Variants in ZRSR2 observed in about 807,000 individuals in gnomAD.
ZRSR2 encodes U2 small nuclear ribonucleoprotein auxiliary factor 35 kDa subunit-related protein 2.
In ZRSR2, 3 loss-of-function variants were observed where a neutral mutation model predicts 39.4. The ratio of observed to expected loss-of-function variants is 0.08; its 90% confidence interval spans 0.03 to 0.20. The LOEUF is 0.20. ZRSR2 is among the 10% of genes least tolerant of loss of function. The pLI is 1.00. For missense variants in ZRSR2, 256 were observed against 391.5 expected, an observed-to-expected ratio of 0.65 and a Z score of 2.92; for synonymous variants, 137 against 136.0, an observed-to-expected ratio of 1.01 and a Z score of -0.05.
At chrX:15,807,859 G>C (rs767494062) in intron 5 of ZRSR2, among the ~76,000 whole-genome samples, 2 of 108,302 alleles carry the variant, frequency 1.8e-5, no homozygotes, top group African/African-American at 6.7e-5. Flanking sequence ...GGGCAACATG[G>C]TGAAACTCCG....
chrX:15,822,373 T>C (rs1276570593), intron 10 of ZRSR2, among the ~76,000 whole-genome samples: 1 of 111,098 alleles, frequency 9.0e-6, no homozygotes, highest in Non-Finnish European at 1.9e-5. Flanking sequence ...AAGAGCTGGC[T>C]ATTTGATGTT....
intron 2 of ZRSR2, among the ~76,000 whole-genome samples, chrX:15,793,373 C>T (rs972239154): frequency 9.9e-5 from 11 of 110,974 alleles, no homozygotes; most frequent in Middle Eastern, 9.3e-3. Flanking sequence ...GTAGTTTAGC[C>T]CATTTTAATG....
At chrX:15,790,744 G>A in intron 1 of ZRSR2, 190 bp from the exon 2 acceptor site, 1 of 624,081 alleles carries the variant, frequency 1.6e-6, no homozygotes, top group Non-Finnish European at 2.5e-6. Context: ...GTTGGCGGAT[G>A]GAGAAGAACT....
intron 7 of ZRSR2, among the ~76,000 whole-genome samples, chrX:15,810,547 CCTTCTT>C (rs1178053192): frequency 3.6e-5 from 4 of 109,780 alleles, no homozygotes; most frequent in Non-Finnish European, 3.8e-5. Context: ...AGGTTTTTTT[CCTTCTT>C]CTTCTTCTTT....
At chrX:15,804,517 C>T (rs917522648) in intron 5 of ZRSR2, among the ~76,000 whole-genome samples, 1 of 111,394 alleles carries the variant, frequency 9.0e-6, no homozygotes, top group Non-Finnish European at 1.9e-5. Context: ...CCAACTCTGC[C>T]AGTGTACCCT....
rs2147282619 is a variant in ZRSR2 at position 15,804,115 on chromosome X, A to G, written c.317A>G (p.Lys106Arg). 1 of 1,185,339 alleles carries G rather than the reference A, an allele frequency of 8.4e-7. No homozygotes were observed. The highest frequency in any genetic ancestry group is 3.0e-5 in the East Asian group (1 of 33,477). ...ACTTTTTCTTCCCCTTTAAAGAGAA[A>G]GTTAAAGGAACAATGGGAAGAACAG... ...AKKRQEEQER[K>R]LKEQWEEQQR... The change falls in exon 5 of 11, where the codon AAG (lysine) becomes AGG (arginine). Residue 106 changes from lysine (K) to arginine (R), a missense_variant. This residue lies in a region of ZRSR2 where 87 missense variants were observed against 111.7 expected (regional missense o/e 0.78). Transcript: ENST00000307771.
intron 10 of ZRSR2, among the ~76,000 whole-genome samples, chrX:15,820,664 T>C (rs371972958): frequency 8.9e-6 from 1 of 112,312 alleles, no homozygotes; most frequent in East Asian, 2.8e-4. Context: ...GTTTCAGAGG[T>C]ATTTTATATT....
At position 15,823,102 on chromosome X, in the gene ZRSR2, C is replaced by T. The variant is rs745810533; in HGVS notation, c.1309C>T (p.Arg437Trp). Residue 437 changes from arginine (R) to tryptophan (W), a missense_variant, in exon 11 of 11, where the codon CGG (arginine) becomes TGG (tryptophan). Physicochemically the swap from Arg to Trp is moderately radical, Grantham distance 101. Coordinates refer to ENST00000307771, the MANE Select transcript of ZRSR2 (RefSeq NM_005089.4). Reference protein sequence around the residue: ...RDRSRDRSRGRGSRSRSRSRS... With the variant: ...RDRSRDRSRGWGSRSRSRSRS... ...CCGCAGCAGGGACCGCAGCCGGGGCCGGGGCAGCCGGAGCCGGAGCCGGAG... is the reference window on the plus strand; with the variant it reads ...CCGCAGCAGGGACCGCAGCCGGGGCTGGGGCAGCCGGAGCCGGAGCCGGAG... 5 of 1,197,417 alleles carry T rather than the reference C, an allele frequency of 4.2e-6. No individual in the cohort carries two copies. The highest frequency in any genetic ancestry group is 4.4e-5 in the Admixed American group (2 of 45,294).
At chrX:15,800,186 CT>C (rs752445746) in intron 3 of ZRSR2, among the ~76,000 whole-genome samples, 15,190 of 79,141 alleles carry the variant, frequency 0.19, 1,280 homozygotes, top group East Asian at 0.3. Flanking sequence ...TTTTTTCTTT[CT>C]TTTTTTTTTT....
intron 7 of ZRSR2, among the ~76,000 whole-genome samples, chrX:15,812,443 G>A (rs1470279173): frequency 8.9e-6 from 1 of 111,820 alleles, no homozygotes; most frequent in Non-Finnish European, 1.9e-5. Flanking sequence ...GCTCCAGATC[G>A]TACAGCTGTT....
intron 9 of ZRSR2, among the ~76,000 whole-genome samples, chrX:15,819,499 C>T (rs936844412): frequency 9.1e-6 from 1 of 110,357 alleles, no homozygotes; most frequent in Non-Finnish European, 1.9e-5. Context: ...ATCACTTGAG[C>T]CCAGGAGGTC....
intron 2 of ZRSR2, among the ~76,000 whole-genome samples, chrX:15,792,220 C>G (rs1306012345): frequency 8.9e-6 from 1 of 111,905 alleles, no homozygotes; most frequent in Non-Finnish European, 1.9e-5. Flanking sequence ...GTCAGGGGTT[C>G]GAGACCTGCC....
At chrX:15,810,231 C>T (rs769649035) in intron 7 of ZRSR2, among the ~76,000 whole-genome samples, 2 of 112,103 alleles carry the variant, frequency 1.8e-5, no homozygotes, top group South Asian at 7.4e-4. Context: ...TAGTGTTGAT[C>T]TCTTCAGTCA....
intron 7 of ZRSR2, among the ~76,000 whole-genome samples, chrX:15,814,358 G>T (rs1019597153): frequency 8.9e-6 from 1 of 112,048 alleles, no homozygotes; most frequent in Non-Finnish European, 1.9e-5. Flanking sequence ...TGCAGGTATG[G>T]TAGCTCACAC....
At chrX:15,811,432 C>G (rs2015878) in intron 7 of ZRSR2, among the ~76,000 whole-genome samples, 5 of 90,712 alleles carry the variant, frequency 5.5e-5, no homozygotes, top group African/African-American at 1.7e-4. Flanking sequence ...CACCCCCCCC[C>G]CTTTTTTTTT....
chrX:15,820,348 A>C (rs762688967), intron 10 of ZRSR2, 32 bp downstream of exon 10: 1 of 1,124,036 alleles, frequency 8.9e-7, no homozygotes, highest in Non-Finnish European at 1.2e-6. Context: ...TTTTTCCTCA[A>C]TTGTTCCACT....
At chrX:15,794,518 C>CT (rs1387077800) in intron 2 of ZRSR2, among the ~76,000 whole-genome samples, 1 of 111,798 alleles carries the variant, frequency 8.9e-6, no homozygotes, top group Non-Finnish European at 1.9e-5. Flanking sequence ...AAGAATGTTA[C>CT]TAAGAAAATC....
chrX:15,798,045 A>G (rs764341978), intron 2 of ZRSR2, among the ~76,000 whole-genome samples: 1 of 112,444 alleles, frequency 8.9e-6, no homozygotes, highest in Admixed American at 9.5e-5. Context: ...ATTAGATACT[A>G]TTTTATATGA....
intron 2 of ZRSR2, among the ~76,000 whole-genome samples, chrX:15,798,592 G>T (rs1034343380): frequency 9.0e-6 from 1 of 111,205 alleles, no homozygotes; most frequent in Admixed American, 9.7e-5. Flanking sequence ...ACATTCTCCC[G>T]CAGAACCACA....
Sources: gnomAD v4.1 joint callset for allele counts (sites outside exome capture counted in the v4.1 genomes callset) on GRCh38, gnomAD v4.1.1 for gene constraint, gnomAD v4.1.1 regional missense constraint, MANE v1.5 for transcripts, NCBI Gene and HGNC (gene_info 2026-07-23, HGNC 2026-07-21) for gene names.